Variants in ANKRD12 observed in about 807,000 individuals in gnomAD.
The protein encoded by ANKRD12 is ankyrin repeat domain 12, also known as ankyrin repeat domain-containing protein 12.
A neutral mutation model predicts 183.4 loss-of-function variants in ANKRD12; 85 were observed. The ratio of observed to expected loss-of-function variants is 0.46; its 90% confidence interval spans 0.39 to 0.56. The LOEUF (loss-of-function observed/expected upper bound fraction) is 0.56. ANKRD12 is among the 20% of genes least tolerant of loss of function. ANKRD12 has a pLI of 0.00. For synonymous variants in ANKRD12, 914 were observed against 800.2 expected (o/e 1.14, Z -2.40); for missense variants, 2,405 against 2,357.1 (o/e 1.02, Z -0.42).
At chr18:9,212,791 TAAC>T (rs954071850) in intron 6 of ANKRD12, among the ~76,000 whole-genome samples, 2 of 152,038 alleles carry the variant, frequency 1.3e-5, no homozygotes, top group Non-Finnish European at 2.9e-5. Context: ...TTTTAATTAT[TAAC>T]AATCTGAAGA....
At chr18:9,180,049 ATAAT>A (rs1261407960) in intron 1 of ANKRD12, among the ~76,000 whole-genome samples, 4 of 152,190 alleles carry the variant, frequency 2.6e-5, no homozygotes, top group African/African-American at 9.7e-5. Flanking sequence ...AATAAAAAGT[ATAAT>A]AGTTGAAGCC....
chr18:9,166,858 A>G (rs1340999247), intron 1 of ANKRD12, among the ~76,000 whole-genome samples: 2 of 152,166 alleles, frequency 1.3e-5, no homozygotes, highest in African/African-American at 4.8e-5. Flanking sequence ...TAGGTCTAAC[A>G]TGTAAGTCTT....
intron 10 of ANKRD12, among the ~76,000 whole-genome samples, chr18:9,268,877 C>G (rs577586431): frequency 6.6e-6 from 1 of 152,156 alleles, no homozygotes; most frequent in Admixed American, 6.5e-5. Flanking sequence ...AAAACCCCAT[C>G]GTCTCAGCCC....
At chr18:9,253,266 A>G (rs914821354) in intron 8 of ANKRD12, among the ~76,000 whole-genome samples, 61 of 152,262 alleles carry the variant, frequency 4.0e-4, no homozygotes, top group Admixed American at 3.9e-4. Context: ...TAGTTGCTCT[A>G]TTGTGCTACT....
Position 9,264,731 on chromosome 18 carries a change from A to G in ANKRD12, c.5763+843A>G, listed in dbSNP as rs560824900. Among the ~76,000 whole-genome samples the G allele has an allele frequency of 2.7e-4, 41 of 152,196 alleles. 1 individual carries two copies. Among genetic ancestry groups the G allele is most frequent in the Admixed American group, 2.6e-3 (40 of 15,294 alleles). ...AGCAATTTGTTAGCAATAAGAAGTCAGGTAATATAACACACATCAATAGCT... is the reference window on the plus strand; with the variant it reads ...AGCAATTTGTTAGCAATAAGAAGTCGGGTAATATAACACACATCAATAGCT... On this transcript the variant is annotated intron_variant, in intron 10 of 12. Coordinates refer to ENST00000262126, the MANE Select transcript of ANKRD12 (RefSeq NM_015208.5).
chr18:9,199,068 G>C (rs1196083054), intron 3 of ANKRD12, among the ~76,000 whole-genome samples: 1 of 152,122 alleles, frequency 6.6e-6, no homozygotes, highest in African/African-American at 2.4e-5. Flanking sequence ...CAAGGCAGGA[G>C]GATCACTTGA....
rs1371038198 is a variant in ANKRD12, at chr18:9,281,371, C to G, written c.*245C>G. The G allele has an allele frequency of 3.2e-6, 1 of 314,860 alleles. No homozygotes were observed. Among genetic ancestry groups the G allele is most frequent in the Non-Finnish European group, 5.7e-6 (1 of 175,064 alleles). The allele number at this position is 314,860 out of a possible 1,614,324, so 19.5% of individuals were successfully genotyped here. On this transcript the variant is annotated 3_prime_UTR_variant, in exon 13 of 13. Transcript: ENST00000262126. ...GGGAAAGGTAACTATTGCATTAGAG[C>G]ATGTTGGCAGACTGGTAGGTATTTA...
rs922205264 is a variant in ANKRD12 at position 9,231,856 on chromosome 18, G to C, written c.943+9857G>C. Among the ~76,000 whole-genome samples the C allele has an allele frequency of 7.4e-5, 11 of 148,868 alleles. No homozygotes were observed. In the East Asian group the frequency reaches 2.0e-3, roughly 27 times the overall value. ...AAAAAAAAAAAAAGATATTTTATCC[G>C]ATATAATTATTATAGCTACTCTTGC... On this transcript the variant is annotated intron_variant, in intron 8 of 12. Transcript: ENST00000262126.
chr18:9,215,613 C>T (rs985473528), intron 6 of ANKRD12, among the ~76,000 whole-genome samples: 8 of 151,998 alleles, frequency 5.3e-5, no homozygotes, highest in Admixed American at 2.6e-4. Context: ...GGATTGTCAA[C>T]GCTGTAGAAG....
chr18:9,147,879 C>G (rs1568218745), intron 1 of ANKRD12, among the ~76,000 whole-genome samples: 2 of 152,142 alleles, frequency 1.3e-5, no homozygotes, highest in African/African-American at 4.8e-5. Context: ...TGTACTTACT[C>G]TGTGAAATTT....
chr18:9,281,113 T>C lies in ANKRD12; in HGVS notation c.6176T>C (p.Leu2059Ser), dbSNP rs2040090907. Residue 2059 changes from leucine (L) to serine (S), a missense_variant, in exon 13 of 13, where the codon TTG becomes TCG. Coordinates refer to ENST00000262126, the MANE Select transcript of ANKRD12 (RefSeq NM_015208.5). ...PLVDVNDDFE[L>S]TPI is the part of the protein sequence containing the mutation. ...GTTGATGTTAACGACGACTTTGAAT[T>C]GACTCCTATATAGCAGTCAGTACTT... is the stretch of plus-strand genomic sequence containing the variant. 6.2e-7 allele frequency: 1 copy of C among 1,613,896 alleles called. No homozygotes were observed. The highest frequency in any genetic ancestry group is 8.5e-7 in the Non-Finnish European group (1 of 1,179,896).
At chr18:9,203,901 G>A (rs369067679) in intron 3 of ANKRD12, among the ~76,000 whole-genome samples, 31 of 152,294 alleles carry the variant, frequency 2.0e-4, no homozygotes, top group African/African-American at 5.8e-4. Context: ...CACTGTGCCC[G>A]GCCAGAATTC....
At chr18:9,188,636 C>T (rs1485381023) in intron 2 of ANKRD12, among the ~76,000 whole-genome samples, 1 of 152,174 alleles carries the variant, frequency 6.6e-6, no homozygotes, top group East Asian at 1.9e-4. Context: ...TAGTGGCAAC[C>T]CTGTGTTGAG....
intron 9 of ANKRD12, chr18:9,260,149 A>G (rs575705766): frequency 6.5e-4 from 99 of 152,296 alleles, no homozygotes; most frequent in African/African-American, 2.3e-3. Context: ...TTACTTTCCA[A>G]TATGGCTTTA....
chr18:9,264,136 T>G (rs2039143757), intron 10 of ANKRD12, among the ~76,000 whole-genome samples: 1 of 152,228 alleles, frequency 6.6e-6, no homozygotes. Context: ...TGTTATTTGT[T>G]GAATTTGTAG....
In ANKRD12 at chr18:9,220,092, C is replaced by CA. The variant is rs556149996; in HGVS notation, c.796-1759dup. 9.7e-4 allele frequency among the ~76,000 whole-genome samples: 147 copies of CA among 152,280 alleles called. 1 individual carries two copies. The South Asian group carries it at 0.029, about 30-fold the overall frequency. ...ACATTATTACATTTCAGATTTTCTG[C>CA]AGTAATCTAGAAAAGTTTTTTTCTT... On this transcript the variant is annotated intron_variant, in intron 7 of 12. Coordinates refer to ENST00000262126, the MANE Select transcript of ANKRD12 (RefSeq NM_015208.5).
intron 8 of ANKRD12, 123 bp downstream of exon 8, chr18:9,222,122 A>G: frequency 8.4e-7 from 1 of 1,197,276 alleles, no homozygotes; most frequent in East Asian, 2.4e-5. Flanking sequence ...TAGCTAGAAT[A>G]ATGCTTAGCT....
chr18:9,273,249 A>G (rs1198016024), intron 10 of ANKRD12, among the ~76,000 whole-genome samples: 2 of 152,208 alleles, frequency 1.3e-5, no homozygotes, highest in African/African-American at 4.8e-5. Flanking sequence ...TGCTAAATGC[A>G]GAAGATTGCC....
intron 11 of ANKRD12, among the ~76,000 whole-genome samples, chr18:9,276,720 A>G (rs2039855993): frequency 6.6e-6 from 1 of 151,980 alleles, no homozygotes; most frequent in South Asian, 2.1e-4. Flanking sequence ...CTCAAAAAAA[A>G]ACAAAAAAAA....
Sources: allele counts gnomAD v4.1 joint callset (sites outside exome capture counted in the v4.1 genomes callset), GRCh38; gene constraint gnomAD v4.1.1; transcripts MANE v1.5; gene names NCBI Gene and HGNC (gene_info 2026-07-23, HGNC 2026-07-21).